ACACA: variants seen among roughly 807,000 people sequenced by gnomAD.
The protein encoded by ACACA is acetyl-CoA carboxylase alpha.
In ACACA, 103 loss-of-function variants were observed where a neutral mutation model predicts 296.1. The observed-to-expected ratio is 0.35, with a 90% CI of 0.30 to 0.41. The LOEUF (loss-of-function observed/expected upper bound fraction) is 0.41, where lower values mean the gene tolerates loss of function less well. Ranked by LOEUF, ACACA falls within the 10% of genes least tolerant of loss-of-function variation. The pLI, the probability that ACACA is intolerant of heterozygous loss-of-function variation, is 1.00. For synonymous variants in ACACA, 953 were observed against 1,038.6 expected (o/e 0.92, Z 1.58); for missense variants, 1,554 against 2,989.7 (o/e 0.52, Z 11.20).
At chr17:37,095,766 T>TA (rs2072948886) in intron 54 of ACACA, among the ~76,000 whole-genome samples, 2 of 152,234 alleles carry the variant, frequency 1.3e-5, no homozygotes, top group Non-Finnish European at 2.9e-5. Flanking sequence ...CATATATTAA[T>TA]TACTAATAAA....
chr17:37,248,541 A>C, intron 17 of ACACA, 52 bp downstream of exon 17: 1 of 1,378,736 alleles, frequency 7.3e-7, no homozygotes, highest in Non-Finnish European at 1.0e-6. Flanking sequence ...TCTCAACCTA[A>C]AGAAAGATAG....
chr17:37,204,112 T>A (rs556068391), intron 33 of ACACA, among the ~76,000 whole-genome samples: 15 of 152,252 alleles, frequency 9.9e-5, no homozygotes, highest in Non-Finnish European at 2.1e-4. Flanking sequence ...TGAAAACATC[T>A]ACTGAGTTCT....
chr17:37,383,150 C>T (rs1358890250), intron 1 of ACACA, among the ~76,000 whole-genome samples: 1 of 152,138 alleles, frequency 6.6e-6, no homozygotes, highest in Admixed American at 6.5e-5. Context: ...CTGTCCATGG[C>T]AGCTGTGTTG....
intron 45 of ACACA, chr17:37,144,433 A>C: frequency 3.2e-6 from 1 of 311,574 alleles, no homozygotes; most frequent in Non-Finnish European, 6.2e-6. Context: ...GAGCTAAGTA[A>C]TCTCTCCTTC....
rs9897583 is a variant in ACACA at position 37,113,716 on chromosome 17, C to A, written c.6275-451G>T. On this transcript the variant is annotated intron_variant, in intron 50 of 55. Transcript: ENST00000616317. This position sits in a 1 kb window ranked among gnomAD's most constrained non-coding sequence, Gnocchi z 4.0. ...ATAGGATGAGCTCTTCAAATGTGCA[C>A]CTAATGGAAATTGATCCTTTAAAAA... Among the ~76,000 whole-genome samples the A allele has an allele frequency of 6.6e-6, 1 of 152,016 alleles. No individual in the cohort carries two copies. The highest frequency in any genetic ancestry group is 1.5e-5 in the Non-Finnish European group (1 of 68,004).
At chr17:37,145,874 G>A (rs564324715) in intron 45 of ACACA, among the ~76,000 whole-genome samples, 4 of 152,162 alleles carry the variant, frequency 2.6e-5, no homozygotes, top group African/African-American at 9.6e-5. Context: ...TCTCAATTTG[G>A]GTAATATTTT....
At chr17:37,151,480 A>G (rs893376785) in intron 43 of ACACA, 59 bp from the exon 44 acceptor site, 1 of 1,603,792 alleles carries the variant, frequency 6.2e-7, no homozygotes, top group Admixed American at 1.7e-5. Context: ...CAAGCCATTA[A>G]AAGAATAATC....
intron 37 of ACACA, 149 bp from the exon 38 acceptor site, chr17:37,191,424 T>G: frequency 1.2e-6 from 1 of 837,166 alleles, no homozygotes. Flanking sequence ...GTCAGTCCAG[T>G]AACCACAGGG....
intron 48 of ACACA, among the ~76,000 whole-genome samples, chr17:37,124,021 A>G (rs988704252): frequency 7.9e-5 from 12 of 152,256 alleles, no homozygotes; most frequent in African/African-American, 2.9e-4. Context: ...GTCCCTGGAC[A>G]AGGTGCCATG....
chr17:37,155,852 C>T (rs1231972837), intron 42 of ACACA, 72 bp from the exon 43 acceptor site: 1 of 1,022,422 alleles, frequency 9.8e-7, no homozygotes. Flanking sequence ...GCAAAGCATA[C>T]ATAATGAAGC....
At chr17:37,129,632 G>T in intron 46 of ACACA, 147 bp from the exon 47 acceptor site, 1 of 1,085,968 alleles carries the variant, frequency 9.2e-7, no homozygotes, top group Non-Finnish European at 1.4e-6. Flanking sequence ...AGAATCCTAC[G>T]TATGTGCCAG....
At chr17:37,368,473 C>G (rs1024529948) in intron 1 of ACACA, among the ~76,000 whole-genome samples, 6 of 149,408 alleles carry the variant, frequency 4.0e-5, no homozygotes, top group Non-Finnish European at 5.9e-5. Context: ...CCCAGCTACT[C>G]GGGAAGCTGA....
intron 50 of ACACA, among the ~76,000 whole-genome samples, chr17:37,114,413 G>A (rs947645760): frequency 6.6e-6 from 1 of 150,970 alleles, no homozygotes; most frequent in Non-Finnish European, 1.5e-5. Context: ...CATTCCCATA[G>A]TCCCAGCAAC....
intron 45 of ACACA, among the ~76,000 whole-genome samples, chr17:37,138,110 A>G (rs1260219423): frequency 1.3e-5 from 2 of 152,240 alleles, no homozygotes; most frequent in African/African-American, 4.8e-5. Context: ...AAGCCCAGGC[A>G]TGGTAATCTG....
At chr17:37,390,554 G>A (rs1161879720) in intron 1 of ACACA, among the ~76,000 whole-genome samples, 2 of 149,370 alleles carry the variant, frequency 1.3e-5, no homozygotes, top group African/African-American at 4.9e-5. Flanking sequence ...TTGAACCCAG[G>A]AGACAGAGGT....
intron 3 of ACACA, among the ~76,000 whole-genome samples, chr17:37,303,976 T>C (rs2083752014): frequency 6.6e-6 from 1 of 152,256 alleles, no homozygotes; most frequent in Admixed American, 6.5e-5. Context: ...ATTGTGTCTA[T>C]TTCTTATTTT....
At chr17:37,099,871 T>C (rs950719530) in intron 52 of ACACA, among the ~76,000 whole-genome samples, 1 of 152,122 alleles carries the variant, frequency 6.6e-6, no homozygotes, top group Non-Finnish European at 1.5e-5. Flanking sequence ...CTGGGGTATA[T>C]TGTGACAAAA....
chr17:37,324,459 C>T (rs891858004), intron 3 of ACACA, among the ~76,000 whole-genome samples: 2 of 151,256 alleles, frequency 1.3e-5, no homozygotes, highest in East Asian at 2.0e-4. Flanking sequence ...CACGTGAGGT[C>T]GGGAGTTTGA....
rs150519807 is a variant in ACACA at position 37,381,721 on chromosome 17, G to A, written c.38+24541C>T. On this transcript the variant is annotated intron_variant, in intron 1 of 55. Coordinates refer to ENST00000616317, the MANE Select transcript of ACACA (RefSeq NM_198834.3). Reference sequence around the variant, plus strand: ...CAGCTCACTGCAAGCTCCGCCTCTCGGGTTCACGCCATTCTCCTGCCTCAG... The same window carrying A: ...CAGCTCACTGCAAGCTCCGCCTCTCAGGTTCACGCCATTCTCCTGCCTCAG... Among the ~76,000 whole-genome samples, 395 of 148,494 alleles carry A rather than the reference G, an allele frequency of 2.7e-3. 13 individuals carry two copies. The East Asian group carries it at 0.068, about 26-fold the overall frequency.
Sources: gnomAD v4.1 joint callset for allele counts (sites outside exome capture counted in the v4.1 genomes callset) on GRCh38, gnomAD v4.1.1 for gene constraint, Gnocchi (gnomAD v3.1) non-coding constraint, MANE v1.5 for transcripts, NCBI Gene and HGNC (gene_info 2026-07-23, HGNC 2026-07-21) for gene names.